Variants in KMT2C observed in about 807,000 individuals in gnomAD.
KMT2C encodes the protein lysine methyltransferase 2C.
In KMT2C, 88 loss-of-function variants were observed where a neutral mutation model predicts 507.9. The ratio of observed to expected loss-of-function variants is 0.17; its 90% confidence interval spans 0.15 to 0.21. KMT2C has a LOEUF of 0.21. KMT2C is among the 10% of genes least tolerant of loss of function. KMT2C has a pLI of 1.00. For synonymous variants in KMT2C, 2,049 were observed against 2,080.8 expected (o/e 0.98, Z 0.42); for missense variants, 4,954 against 5,957.8 (o/e 0.83, Z 5.55).
At chr7:152,325,287 T>C (rs1416465396) in intron 3 of KMT2C, among the ~76,000 whole-genome samples, 2 of 151,526 alleles carry the variant, frequency 1.3e-5, no homozygotes, top group Non-Finnish European at 1.5e-5. Flanking sequence ...TAGCTGGGAC[T>C]ACAGGTGCCC....
At chr7:152,215,723 T>TATATAC (rs1554539731) in intron 23 of KMT2C, among the ~76,000 whole-genome samples, 1 of 135,916 alleles carries the variant, frequency 7.4e-6, no homozygotes, top group Non-Finnish European at 1.5e-5. Context: ...TATATATATA[T>TATATAC]ACACACACAC....
chr7:152,325,179 TTC>T (rs1424862881), intron 3 of KMT2C, among the ~76,000 whole-genome samples: 1 of 151,960 alleles, frequency 6.6e-6, no homozygotes, highest in Non-Finnish European at 1.5e-5. Flanking sequence ...GAGATGCAGT[TTC>T]TCTCTTGTCG....
chr7:152,164,578 T>C (rs7787732), intron 42 of KMT2C, among the ~76,000 whole-genome samples: 50,519 of 151,904 alleles, frequency 0.33, 12,396 homozygotes, highest in African/African-American at 0.7. Flanking sequence ...CGTGAGCCAC[T>C]GCGCCCGGCC....
intron 1 of KMT2C, among the ~76,000 whole-genome samples, chr7:152,424,967 T>C (rs1329410976): frequency 6.6e-6 from 1 of 152,082 alleles, no homozygotes; most frequent in Non-Finnish European, 1.5e-5. Flanking sequence ...TACCCAAAAA[T>C]AGCAAAGTGT....
chr7:152,276,761 CAA>C (rs200452834), intron 6 of KMT2C, among the ~76,000 whole-genome samples: 1 of 129,104 alleles, frequency 7.7e-6, no homozygotes, highest in African/African-American at 2.8e-5. Context: ...CTATAAAATT[CAA>C]AAAAAAAAAG....
chr7:152,181,946 G>A lies in KMT2C; in HGVS notation c.5914C>T (p.Pro1972Ser). ...TTGGGAAATTGATCTGTCATCACAG[G>A]CCTAGGTGTGTCTGGAGGTTTTGCA... ...PYAKPPDTPR[P>S]VMTDQFPKSL... Residue 1972 changes from proline (P) to serine (S), a missense_variant, in exon 36 of 59, where the codon CCT becomes TCT. This residue lies in a region of KMT2C where 1,689 missense variants were observed against 1,654.3 expected (regional missense o/e 1.02). Transcript: ENST00000262189. The A allele has an allele frequency of 6.2e-7, 1 of 1,614,156 alleles. No homozygotes were observed. The highest frequency in any genetic ancestry group is 8.5e-7 in the Non-Finnish European group (1 of 1,180,024).
At chr7:152,182,949 A>C in intron 35 of KMT2C, 25 bp downstream of exon 35, 1 of 1,524,208 alleles carries the variant, frequency 6.6e-7, no homozygotes, top group Middle Eastern at 1.8e-4. Flanking sequence ...AACTTCAAAA[A>C]GTAGATTATC....
intron 6 of KMT2C, among the ~76,000 whole-genome samples, chr7:152,295,024 A>G (rs2096476503): frequency 6.6e-6 from 1 of 152,136 alleles, no homozygotes; most frequent in Non-Finnish European, 1.5e-5. Flanking sequence ...GCTCAGCACA[A>G]CCAAACAAAA....
chr7:152,399,147 C>T (rs761522057), intron 1 of KMT2C, among the ~76,000 whole-genome samples: 1 of 152,114 alleles, frequency 6.6e-6, no homozygotes, highest in Non-Finnish European at 1.5e-5. Flanking sequence ...CTTTTATAAA[C>T]ACGCAAAACA....
At chr7:152,297,055 C>CAGACAGAGAGAGAGAGAG (rs1315629061) in intron 6 of KMT2C, among the ~76,000 whole-genome samples, 133 of 84,410 alleles carry the variant, frequency 1.6e-3, no homozygotes, top group Non-Finnish European at 2.3e-3. Flanking sequence ...GAAAGAAAGA[C>CAGACAGAGAGAGAGAGAG]AGAGAGAGAG....
intron 1 of KMT2C, among the ~76,000 whole-genome samples, chr7:152,423,000 G>A (rs1489933410): frequency 2.1e-5 from 3 of 144,678 alleles, no homozygotes; most frequent in Non-Finnish European, 4.5e-5. Flanking sequence ...CTGGGCAACA[G>A]AGCGAGACTC....
intron 34 of KMT2C, among the ~76,000 whole-genome samples, chr7:152,183,826 G>A (rs1418953112): frequency 2.0e-5 from 3 of 152,092 alleles, no homozygotes; most frequent in Non-Finnish European, 4.4e-5. Flanking sequence ...AACTCAGGAG[G>A]CGGAGGTTGT....
At chr7:152,289,828 C>T (rs1016903244) in intron 6 of KMT2C, among the ~76,000 whole-genome samples, 1 of 152,006 alleles carries the variant, frequency 6.6e-6, no homozygotes, top group African/African-American at 2.4e-5. Flanking sequence ...TTTGGGATCA[C>T]TGGAGGCCAG....
chr7:152,232,252 A>G (rs964180236), intron 16 of KMT2C, among the ~76,000 whole-genome samples: 2 of 152,254 alleles, frequency 1.3e-5, no homozygotes, highest in African/African-American at 4.8e-5. Context: ...TAATGACTAC[A>G]AGTGTTAATA....
intron 1 of KMT2C, among the ~76,000 whole-genome samples, chr7:152,433,505 A>G (rs1174735781): frequency 1.3e-5 from 2 of 152,216 alleles, no homozygotes; most frequent in Non-Finnish European, 2.9e-5. Context: ...TCCCTTCAAA[A>G]GACACAATTT....
rs918355696 is a variant in KMT2C, at chr7:152,427,304, C to T, written c.161+8322G>A. On this transcript the variant is annotated intron_variant, in intron 1 of 58. Coordinates refer to ENST00000262189, the MANE Select transcript of KMT2C (RefSeq NM_170606.3). Reference sequence around the variant, plus strand: ...CTGGGATTACAGGCGTTAGCCACTGCGCCCGGCCCCCAGAGTATTAATATT... The same window carrying T: ...CTGGGATTACAGGCGTTAGCCACTGTGCCCGGCCCCCAGAGTATTAATATT... 1.1e-4 allele frequency among the ~76,000 whole-genome samples: 16 copies of T among 152,274 alleles called. No homozygotes were observed. The East Asian group carries it at 1.4e-3, about 13-fold the overall frequency.
chr7:152,162,060 T>G (rs1055091309), intron 43 of KMT2C, 57 bp downstream of exon 43: 7 of 1,482,368 alleles, frequency 4.7e-6, no homozygotes, highest in Admixed American at 4.7e-5. Flanking sequence ...ACTAATCTGC[T>G]GTAAGTATAA....
At chr7:152,314,956 G>A (rs1483653484) in intron 4 of KMT2C, among the ~76,000 whole-genome samples, 182 bp downstream of exon 4, 2 of 152,098 alleles carry the variant, frequency 1.3e-5, no homozygotes, top group Non-Finnish European at 2.9e-5. Context: ...AGAAAAATTT[G>A]TGAAAAGGAT....
intron 2 of KMT2C, among the ~76,000 whole-genome samples, chr7:152,332,851 A>AACACACACACAC (rs35781658): frequency 0.011 from 1,587 of 138,548 alleles, 14 homozygotes; most frequent in East Asian, 0.032. Flanking sequence ...TGCGTCTCAA[A>AACACACACACAC]ACACACACAC....
Sources: gnomAD v4.1 joint callset for allele counts (sites outside exome capture counted in the v4.1 genomes callset) on GRCh38, gnomAD v4.1.1 for gene constraint, gnomAD v4.1.1 regional missense constraint, MANE v1.5 for transcripts, NCBI Gene and HGNC (gene_info 2026-07-23, HGNC 2026-07-21) for gene names.